The following ATE1 variants were observed in gnomAD, a reference collection of about 807,000 sequenced individuals.
The protein encoded by ATE1 is arginyltransferase 1.
A neutral mutation model predicts 70.5 loss-of-function variants in ATE1; 36 were observed. That is an observed-to-expected ratio of 0.51 (90% confidence interval 0.39 to 0.67). ATE1 has a LOEUF of 0.67. Among genes scored for constraint, ATE1 ranks in the 30% least tolerant of loss-of-function variants. ATE1 has a pLI of 0.00. For synonymous variants in ATE1, 232 were observed against 219.3 expected, an observed-to-expected ratio of 1.06 and a Z score of -0.51; for missense variants, 593 against 629.5, an observed-to-expected ratio of 0.94 and a Z score of 0.62.
At chr10:121,895,477 G>A (rs1254365545) in intron 7 of ATE1, among the ~76,000 whole-genome samples, 1 of 151,956 alleles carries the variant, frequency 6.6e-6, no homozygotes, top group Non-Finnish European at 1.5e-5. Context: ...AGGCAGGTGT[G>A]GTGGTGGGCA....
At chr10:121,917,749 G>A (rs868106222) in intron 3 of ATE1, among the ~76,000 whole-genome samples, 6 of 152,148 alleles carry the variant, frequency 3.9e-5, no homozygotes, top group South Asian at 4.1e-4. Flanking sequence ...TGCCTTAGGG[G>A]AACAGGAAAT....
At chr10:121,928,393 G>C, upstream of ATE1, 1 of 1,532,158 alleles carries the variant, frequency 6.5e-7, no homozygotes, top group South Asian at 1.2e-5. Flanking sequence ...CGCAGTGGTA[G>C]CCGGCCCTGA....
intron 6 of ATE1, 93 bp from the exon 7 acceptor site, chr10:121,900,087 A>C: frequency 1.5e-6 from 2 of 1,317,954 alleles, no homozygotes; most frequent in Admixed American, 4.9e-5. Context: ...CCAAGAAACC[A>C]AGTTTCAACA....
chr10:121,917,752 C>T (rs776940690), intron 3 of ATE1, among the ~76,000 whole-genome samples: 1 of 151,990 alleles, frequency 6.6e-6, no homozygotes, highest in Non-Finnish European at 1.5e-5. Context: ...CTTAGGGGAA[C>T]AGGAAATGGG....
At position 121,786,792 on chromosome 10, in the gene ATE1, G is replaced by A. The variant is rs374497452; in HGVS notation, c.1378+3377C>T. 8.1e-4 allele frequency among the ~76,000 whole-genome samples: 123 copies of A among 152,186 alleles called. 1 individual carries two copies. Among genetic ancestry groups the A allele is most frequent in the African/African-American group, 2.8e-3 (117 of 41,534 alleles). On this transcript the variant is annotated intron_variant, in intron 11 of 11. Coordinates refer to ENST00000224652, the MANE Select transcript of ATE1 (RefSeq NM_001001976.3). Reference sequence around the variant, plus strand: ...GTAACACAAAGTATTAAGTAAAAATGACAACGTAAGGATGCAGAATATTCT... The same window carrying A: ...GTAACACAAAGTATTAAGTAAAAATAACAACGTAAGGATGCAGAATATTCT...
At chr10:121,900,620 C>A (rs1950943033) in intron 6 of ATE1, among the ~76,000 whole-genome samples, 1 of 152,170 alleles carries the variant, frequency 6.6e-6, no homozygotes, top group African/African-American at 2.4e-5. Flanking sequence ...ACATTATTTA[C>A]TAGCCACTTA....
chr10:121,790,264 A>G lies in ATE1; in HGVS notation c.1283T>C (p.Leu428Pro). The G allele has an allele frequency of 6.2e-7, 1 of 1,614,124 alleles. No individual in the cohort carries two copies. The highest frequency in any genetic ancestry group is 8.5e-7 in the Non-Finnish European group (1 of 1,179,982). Residue 428 changes from leucine to proline, a missense_variant, in exon 11 of 12, where the codon CTG (leucine) becomes CCG (proline). Around this residue, in one of 3 missense-constraint regions of ATE1, gnomAD observed 36 missense variants for 66.3 expected, o/e 0.54. Coordinates refer to ENST00000224652, the MANE Select transcript of ATE1 (RefSeq NM_001001976.3). ...TACCCAAACATATGTCTCAGGGCACAGCAAATCAGAAGGTCTATACTGACC... is the reference window on the plus strand; with the variant it reads ...TACCCAAACATATGTCTCAGGGCACGGCAAATCAGAAGGTCTATACTGACC... ...YKGQYRPSDL[L>P]CPETYVWVPI...
chr10:121,785,784 T>C (rs1590291971), intron 11 of ATE1, among the ~76,000 whole-genome samples: 2 of 152,294 alleles, frequency 1.3e-5, no homozygotes, highest in African/African-American at 2.4e-5. Flanking sequence ...CTAAATCACG[T>C]TGAGGGACTA....
intron 10 of ATE1, among the ~76,000 whole-genome samples, chr10:121,813,489 G>A (rs1369175652): frequency 3.3e-5 from 5 of 152,178 alleles, no homozygotes; most frequent in African/African-American, 1.2e-4. Flanking sequence ...GGCTCTTTGG[G>A]TGAAGAAACA....
chr10:121,746,309 A>AAC (rs1944368808), intron 11 of ATE1, among the ~76,000 whole-genome samples: 1 of 152,222 alleles, frequency 6.6e-6, no homozygotes, highest in Non-Finnish European at 1.5e-5. Context: ...CAGTGCCTAG[A>AAC]ACACTACCTA....
intron 11 of ATE1, among the ~76,000 whole-genome samples, chr10:121,747,403 G>A (rs977108192): frequency 6.6e-6 from 1 of 152,162 alleles, no homozygotes; most frequent in African/African-American, 2.4e-5. Context: ...CCAGTAACAA[G>A]AGACTGGAGC....
chr10:121,898,639 A>G (rs534209706), intron 7 of ATE1, among the ~76,000 whole-genome samples: 1 of 152,286 alleles, frequency 6.6e-6, no homozygotes, highest in South Asian at 2.1e-4. Context: ...GTTCCTAGAG[A>G]AAACACTAAG....
At chr10:121,772,645 C>T (rs1233421395) in intron 11 of ATE1, among the ~76,000 whole-genome samples, 2 of 152,146 alleles carry the variant, frequency 1.3e-5, no homozygotes, top group African/African-American at 4.8e-5. Flanking sequence ...ATGCTCCATA[C>T]CCAAGCTCCA....
chr10:121,891,439 G>A (rs1047810060), intron 7 of ATE1, among the ~76,000 whole-genome samples: 2 of 152,148 alleles, frequency 1.3e-5, no homozygotes, highest in Non-Finnish European at 2.9e-5. Context: ...TACCTGGCTT[G>A]CAGGTACAGC....
chr10:121,914,333 G>A (rs1381264429), intron 3 of ATE1, among the ~76,000 whole-genome samples: 2 of 151,700 alleles, frequency 1.3e-5, no homozygotes, highest in African/African-American at 2.4e-5. Flanking sequence ...CCAAAATGCT[G>A]GGATTACGTG....
At position 121,743,713 on chromosome 10, in the gene ATE1, C is replaced by T. The variant is rs1339265861; in HGVS notation, c.1524G>A (p.Lys508=). Residue 508 remains lysine, a synonymous_variant, in exon 12 of 12, where the codon AAG becomes AAA. Coordinates refer to ENST00000224652, the MANE Select transcript of ATE1 (RefSeq NM_001001976.3). ...TGAACAGCAGCATCCGCTCGGAGCA[C>T]TTCTGCCCCACCAGGCTGGCGTACT... ...VLQYASLVGQ[K]CSERMLLFRN 5 of 1,613,636 alleles carry T rather than the reference C, an allele frequency of 3.1e-6. No homozygotes were observed. Among genetic ancestry groups the T allele is most frequent in the African/African-American group, 1.3e-5 (1 of 74,884 alleles).
At chr10:121,887,236 T>C (rs1950431786) in intron 7 of ATE1, among the ~76,000 whole-genome samples, 1 of 151,914 alleles carries the variant, frequency 6.6e-6, no homozygotes, top group Non-Finnish European at 1.5e-5. Flanking sequence ...CCGTCTCCTT[T>C]CAAGTCTCCA....
chr10:121,852,143 C>T (rs139527936), intron 8 of ATE1, among the ~76,000 whole-genome samples: 76 of 152,268 alleles, frequency 5.0e-4, no homozygotes, highest in Admixed American at 4.1e-3. Flanking sequence ...GGATTTACTA[C>T]GAAGTTCAAA....
At chr10:121,912,932 T>G (rs1226579448) in intron 4 of ATE1, among the ~76,000 whole-genome samples, 2 of 134,938 alleles carry the variant, frequency 1.5e-5, no homozygotes. Context: ...CACGCTGGAG[T>G]GCAGTGGCAC....
Sources: gnomAD v4.1 joint callset for allele counts (sites outside exome capture counted in the v4.1 genomes callset) on GRCh38, gnomAD v4.1.1 for gene constraint, gnomAD v4.1.1 regional missense constraint, MANE v1.5 for transcripts, NCBI Gene and HGNC (gene_info 2026-07-23, HGNC 2026-07-21) for gene names.